Variants in HDAC9 observed in about 807,000 individuals in gnomAD.
The protein encoded by HDAC9 is MEF-2 interacting transcription repressor (MITR) protein.
HDAC9 carries 41 observed loss-of-function variants against 139.4 expected under a neutral mutation model. That is an observed-to-expected ratio of 0.29 (90% CI 0.23 to 0.38). The LOEUF is 0.38. Ranked by LOEUF, HDAC9 falls within the 10% of genes least tolerant of loss-of-function variation. HDAC9 has a pLI of 1.00. For missense variants in HDAC9, 1,147 were observed against 1,297.0 expected (o/e 0.88, Z 1.78); for synonymous variants, 517 against 476.2 (o/e 1.09, Z -1.12).
chr7:18,919,303 C>G (rs570449818), intron 22 of HDAC9, among the ~76,000 whole-genome samples: 16 of 152,042 alleles, frequency 1.1e-4, no homozygotes, highest in African/African-American at 3.9e-4. Flanking sequence ...ATAAAGCTAA[C>G]CAATATGATG....
intron 21 of HDAC9, among the ~76,000 whole-genome samples, chr7:18,873,188 A>C (rs1194956963): frequency 6.6e-6 from 1 of 152,136 alleles, no homozygotes; most frequent in African/African-American, 2.4e-5. Flanking sequence ...TGTATTTGAA[A>C]TTTTTAATTG....
At chr7:18,371,171 G>A (rs952655822) in intron 1 of HDAC9, among the ~76,000 whole-genome samples, 1 of 152,156 alleles carries the variant, frequency 6.6e-6, no homozygotes, top group African/African-American at 2.4e-5. Flanking sequence ...AACCTTGCCA[G>A]TTGCTCCGCA....
intron 22 of HDAC9, among the ~76,000 whole-genome samples, chr7:18,875,613 G>C (rs1799262574): frequency 6.6e-6 from 1 of 152,092 alleles, no homozygotes. Context: ...AGGATTCTTT[G>C]TGCCTTGTTG....
chr7:18,765,117 C>T (rs536356033), intron 15 of HDAC9, among the ~76,000 whole-genome samples: 29 of 152,164 alleles, frequency 1.9e-4, no homozygotes, highest in Middle Eastern at 3.4e-3. Context: ...GATAAGACAA[C>T]ATAATTAAAA....
At chr7:18,313,832 T>C (rs1401186303) in intron 1 of HDAC9, among the ~76,000 whole-genome samples, 2 of 152,310 alleles carry the variant, frequency 1.3e-5, no homozygotes, top group African/African-American at 4.8e-5. Flanking sequence ...GCTAAGATTT[T>C]AAGTTAAAAT....
chr7:18,638,056 A>G (rs914560536), intron 8 of HDAC9, among the ~76,000 whole-genome samples: 3 of 152,124 alleles, frequency 2.0e-5, no homozygotes, highest in Non-Finnish European at 4.4e-5. Flanking sequence ...AATTATTTGC[A>G]TAATATATTG....
chr7:18,620,137 G>C (rs1204660403), intron 6 of HDAC9, among the ~76,000 whole-genome samples: 1 of 152,100 alleles, frequency 6.6e-6, no homozygotes, highest in East Asian at 1.9e-4. Flanking sequence ...TTTATTCCAT[G>C]TAGTTGGCAC....
intron 1 of HDAC9, among the ~76,000 whole-genome samples, chr7:18,379,271 A>G (rs902297358): frequency 2.0e-5 from 3 of 152,338 alleles, no homozygotes; most frequent in Non-Finnish European, 4.4e-5. Flanking sequence ...CACATTATCC[A>G]ACATTAGTGG....
chr7:18,521,161 T>A (rs1018138937), intron 2 of HDAC9, among the ~76,000 whole-genome samples: 1 of 152,240 alleles, frequency 6.6e-6, no homozygotes, highest in African/African-American at 2.4e-5. Context: ...TTTAAAATGT[T>A]TGATATCTCC....
At chr7:18,424,785 C>G (rs1200162142) in intron 1 of HDAC9, among the ~76,000 whole-genome samples, 1 of 152,138 alleles carries the variant, frequency 6.6e-6, no homozygotes, top group Non-Finnish European at 1.5e-5. Flanking sequence ...ATGGCACGTG[C>G]CCAGCTACTC....
chr7:18,136,090 A>G (rs893888213), intron 1 of HDAC9, among the ~76,000 whole-genome samples: 6 of 150,292 alleles, frequency 4.0e-5, no homozygotes, highest in Non-Finnish European at 8.8e-5. Context: ...TTTTGGCTGT[A>G]TAAATGTCTT....
intron 2 of HDAC9, among the ~76,000 whole-genome samples, chr7:18,233,985 C>T (rs1173338809): frequency 6.6e-6 from 1 of 151,986 alleles, no homozygotes; most frequent in African/African-American, 2.4e-5. Flanking sequence ...TTCATAGTTT[C>T]ATAATCCAAA....
intron 2 of HDAC9, among the ~76,000 whole-genome samples, chr7:18,516,239 C>T (rs189102526): frequency 2.3e-4 from 35 of 152,184 alleles, no homozygotes; most frequent in African/African-American, 7.2e-4. Context: ...GATGGTTGGG[C>T]TTATTGCGTT....
chr7:18,501,609 T>C (rs111378655), intron 2 of HDAC9, among the ~76,000 whole-genome samples: 8 of 152,304 alleles, frequency 5.3e-5, no homozygotes, highest in African/African-American at 1.9e-4. Flanking sequence ...ATCAGTGATA[T>C]GTTCTTATTT....
rs529316724 is a variant in HDAC9 at position 18,378,807 on chromosome 7, G to A, written c.-42+88292G>A. On this transcript the variant is annotated intron_variant, in intron 1 of 3. Transcript: ENST00000413509. The stretch of plus-strand genomic sequence containing the variant: ...TTCACTTCAATATGTCTACACAATT[G>A]AAGCGATAGAGCATATAGCAAAGGG... Among the ~76,000 whole-genome samples the A allele has an allele frequency of 2.6e-5, 4 of 152,182 alleles. No individual in the cohort carries two copies. The East Asian group carries it at 7.7e-4, about 29-fold the overall frequency.
At chr7:18,532,193 T>G (rs1809236783) in intron 2 of HDAC9, among the ~76,000 whole-genome samples, 1 of 152,160 alleles carries the variant, frequency 6.6e-6, no homozygotes, top group South Asian at 2.1e-4. Flanking sequence ...GAGGTTGCAG[T>G]GAGCCCAGAT....
intron 2 of HDAC9, among the ~76,000 whole-genome samples, chr7:18,251,475 T>C (rs1794914021): frequency 6.6e-6 from 1 of 152,112 alleles, no homozygotes; most frequent in Non-Finnish European, 1.5e-5. Context: ...TTTAGCTGTG[T>C]AACAAACCTG....
chr7:18,203,543 A>T (rs751619056), intron 2 of HDAC9, among the ~76,000 whole-genome samples: 1 of 152,184 alleles, frequency 6.6e-6, no homozygotes, highest in African/African-American at 2.4e-5. Flanking sequence ...TAATGCATTT[A>T]TATGTATGTG....
intron 22 of HDAC9, among the ~76,000 whole-genome samples, chr7:18,894,591 A>G (rs1057314496): frequency 9.2e-5 from 14 of 152,254 alleles, no homozygotes; most frequent in African/African-American, 2.9e-4. Context: ...GAGAAATTGT[A>G]GACTGCACAT....
Sources: allele counts gnomAD v4.1 joint callset (sites outside exome capture counted in the v4.1 genomes callset), GRCh38; gene constraint gnomAD v4.1.1; transcripts MANE v1.5; gene names NCBI Gene and HGNC (gene_info 2026-07-23, HGNC 2026-07-21).